ZKSCAN5: variants seen among roughly 807,000 people sequenced by gnomAD.
ZKSCAN5 encodes the protein zinc finger with KRAB and SCAN domains 5, also known as zinc finger protein with KRAB and SCAN domains 5.
Under a neutral mutation model 60.0 loss-of-function variants are expected in ZKSCAN5, and 28 were observed. The observed-to-expected ratio is 0.47, with a 90% CI of 0.35 to 0.64. The LOEUF is 0.64. Ranked by LOEUF, ZKSCAN5 falls within the 30% of genes least tolerant of loss-of-function variation. The pLI is 0.01. For synonymous variants in ZKSCAN5, 361 were observed against 371.2 expected, an observed-to-expected ratio of 0.97 and a Z score of 0.31; for missense variants, 881 against 1,034.6, an observed-to-expected ratio of 0.85 and a Z score of 2.04.
intron 3 of ZKSCAN5, among the ~76,000 whole-genome samples, chr7:99,515,846 A>AG (rs1178283736): frequency 6.6e-6 from 1 of 151,990 alleles, no homozygotes; most frequent in East Asian, 1.9e-4. Flanking sequence ...AAAAAAAAAA[A>AG]AAAAGAAAGA....
intron 5 of ZKSCAN5, 130 bp downstream of exon 5, chr7:99,520,434 A>T: frequency 4.6e-6 from 5 of 1,089,784 alleles, no homozygotes; most frequent in Non-Finnish European, 6.4e-6. Context: ...TATTTTTTGT[A>T]AAAGAATAAA....
rs537936873 is a variant in ZKSCAN5 at position 99,525,834 on chromosome 7, T to C, written c.794T>C (p.Met265Thr). 6.2e-7 allele frequency: 1 copy of C among 1,612,600 alleles called. No homozygotes were observed. The highest frequency in any genetic ancestry group is 1.3e-5 in the African/African-American group (1 of 74,878). ...TSMGYESRDN[M>T]ELIVKQISDD... ...TCAGGTTATGAGTCCAGGGACAATA[T>C]GGAGCTCATAGTGAAGCAGATTTCT... Residue 265 changes from methionine (M) to threonine (T), a missense_variant, in exon 6 of 7, where the codon ATG becomes ACG. Around this residue, in one of 5 missense-constraint regions of ZKSCAN5, gnomAD observed 490 missense variants for 554.5 expected, o/e 0.88. Transcript: ENST00000326775.
Position 99,531,957 on chromosome 7 carries a change from A to G in ZKSCAN5, c.2228A>G (p.Lys743Arg), listed in dbSNP as rs765854579. The change falls in exon 7 of 7, where the codon AAG (lysine) becomes AGG (arginine). Residue 743 changes from lysine (K) to arginine (R), a missense_variant. Coordinates refer to ENST00000326775, the MANE Select transcript of ZKSCAN5 (RefSeq NM_145102.4). ...IQHYRTHTAEKPYQCDICREN... is the reference protein window; with the variant it reads ...IQHYRTHTAERPYQCDICREN... Reference sequence around the variant, plus strand: ...CATTACAGAACTCATACAGCAGAGAAGCCCTATCAATGTGATATATGTAGA... The same window carrying G: ...CATTACAGAACTCATACAGCAGAGAGGCCCTATCAATGTGATATATGTAGA... The G allele has an allele frequency of 1.2e-6, 2 of 1,614,228 alleles. No individual in the cohort carries two copies. Among genetic ancestry groups the G allele is most frequent in the South Asian group, 2.2e-5 (2 of 91,090 alleles).
In ZKSCAN5 at chr7:99,506,198, C is replaced by T; in HGVS notation, c.154C>T (p.Arg52Cys). The T allele has an allele frequency of 6.2e-7, 1 of 1,614,202 alleles. No homozygotes were observed. Residue 52 changes from arginine to cysteine, a missense_variant, in exon 2 of 7, where the codon CGC becomes TGC. Arg to Cys is a radical substitution (Grantham distance 180, BLOSUM62 -3). Coordinates refer to ENST00000326775, the MANE Select transcript of ZKSCAN5 (RefSeq NM_145102.4). ...GCCAACGTTTGAGACTTTTTACCAGCGCTTCAGGCACTTCCAGTACCATGA... is the reference window on the plus strand; with the variant it reads ...GCCAACGTTTGAGACTTTTTACCAGTGCTTCAGGCACTTCCAGTACCATGA... ...NPPTFETFYQ[R>C]FRHFQYHEAS...
intron 6 of ZKSCAN5, among the ~76,000 whole-genome samples, chr7:99,530,109 C>T (rs1325779560): frequency 2.7e-5 from 4 of 147,198 alleles, no homozygotes; most frequent in Non-Finnish European, 4.5e-5. Context: ...TCTCGGCTCA[C>T]TGCAACCTCA....
intron 4 of ZKSCAN5, 112 bp from the exon 5 acceptor site, chr7:99,520,057 T>A (rs1257330264): frequency 6.6e-7 from 1 of 1,516,714 alleles, no homozygotes; most frequent in Non-Finnish European, 9.0e-7. Context: ...TTCCCCATCC[T>A]CTTTGAGGCA....
chr7:99,527,503 A>G (rs1801844591), intron 6 of ZKSCAN5, among the ~76,000 whole-genome samples: 1 of 152,056 alleles, frequency 6.6e-6, no homozygotes, highest in African/African-American at 2.4e-5. Flanking sequence ...ACGTAGTCGT[A>G]CTCAGAATTA....
chr7:99,516,722 T>A (rs1801281355), intron 3 of ZKSCAN5, among the ~76,000 whole-genome samples: 1 of 152,100 alleles, frequency 6.6e-6, no homozygotes, highest in South Asian at 2.1e-4. Context: ...CGCATGCTGT[T>A]CCTGCTGTGG....
rs1189667646 is a variant in ZKSCAN5 at position 99,531,351 on chromosome 7, A to C, written c.1622A>C (p.Lys541Thr). 2.5e-6 allele frequency: 4 copies of C among 1,614,058 alleles called. No individual in the cohort carries two copies. Among genetic ancestry groups the C allele is most frequent in the African/African-American group, 1.3e-5 (1 of 74,932 alleles). Residue 541 changes from lysine to threonine, a missense_variant, in exon 7 of 7, where the codon AAA becomes ACA. By Grantham distance (78) the Lys-to-Thr change is moderately conservative. Coordinates refer to ENST00000326775, the MANE Select transcript of ZKSCAN5 (RefSeq NM_145102.4). Reference protein sequence around the residue: ...NYSEVPYVHKKSSTGERPHKC... With the variant: ...NYSEVPYVHKTSSTGERPHKC... ...AGTGAAGTCCCATATGTCCACAAAA[A>C]ATCCTCCACTGGAGAGAGACCACAT... is the stretch of plus-strand genomic sequence containing the variant.
intron 6 of ZKSCAN5, among the ~76,000 whole-genome samples, chr7:99,528,387 G>C (rs1404672916): frequency 6.6e-6 from 1 of 152,112 alleles, no homozygotes; most frequent in Non-Finnish European, 1.5e-5. Context: ...TAGTTTCCCA[G>C]TGAATACTCA....
rs188489135 is a variant in ZKSCAN5, at chr7:99,527,741, A to G, written c.1378+1323A>G. ...CTCTTGTTGCCCAGGCTGGAGTGCA[A>G]TGGCACGATCTCAGCTCACTGCAAC... On this transcript the variant is annotated intron_variant, in intron 6 of 6. Coordinates refer to ENST00000326775, the MANE Select transcript of ZKSCAN5 (RefSeq NM_145102.4). 9.2e-5 allele frequency among the ~76,000 whole-genome samples: 14 copies of G among 151,972 alleles called. No homozygotes were observed. The East Asian group carries it at 2.7e-3, about 29-fold the overall frequency.
rs774585509 is a variant in ZKSCAN5, at chr7:99,525,868, T to C, written c.828T>C (p.Ser276=). Residue 276 remains serine, a synonymous_variant, in exon 6 of 7, where the codon TCT becomes TCC. Transcript: ENST00000326775. ...ELIVKQISDD[S]ESHWVAPEHT... Reference sequence around the variant, plus strand: ...TAGTGAAGCAGATTTCTGATGACTCTGAATCACACTGGGTGGCGCCAGAAC... The same window carrying C: ...TAGTGAAGCAGATTTCTGATGACTCCGAATCACACTGGGTGGCGCCAGAAC... The C allele has an allele frequency of 3.1e-6, 5 of 1,614,042 alleles. No individual in the cohort carries two copies. The highest frequency in any genetic ancestry group is 2.2e-5 in the East Asian group (1 of 44,862).
Position 99,533,242 on chromosome 7 carries a change from G to A in ZKSCAN5, c.*993G>A, listed in dbSNP as rs1441477545. On this transcript the variant is annotated 3_prime_UTR_variant, in exon 7 of 7. Coordinates refer to ENST00000326775, the MANE Select transcript of ZKSCAN5 (RefSeq NM_145102.4). ...GTTTGCATTGCAGCTGGGATTGAAA[G>A]TAATCAGTCGTGAGCAGGCAGGCAG... 5.8e-6 allele frequency: 4 copies of A among 688,244 alleles called. No individual in the cohort carries two copies. The highest frequency in any genetic ancestry group is 4.5e-5 in the South Asian group (3 of 66,448). 42.6% of individuals were successfully genotyped at this position (688,244 alleles called of 1,614,324 possible).
chr7:99,505,104 C>G (rs1042399961), intron 1 of ZKSCAN5: 1 of 151,954 alleles, frequency 6.6e-6, no homozygotes, highest in Non-Finnish European at 1.5e-5. Flanking sequence ...TGAGGGTGGG[C>G]TGGGACTCGG....
At chr7:99,523,671 A>G (rs1346161270) in intron 5 of ZKSCAN5, among the ~76,000 whole-genome samples, 3 of 152,180 alleles carry the variant, frequency 2.0e-5, no homozygotes, top group Non-Finnish European at 2.9e-5. Flanking sequence ...AAAAGAGAAA[A>G]AAAATACTAT....
Sources: allele counts gnomAD v4.1 joint callset (sites outside exome capture counted in the v4.1 genomes callset), GRCh38; gene constraint gnomAD v4.1.1; regional missense constraint gnomAD v4.1.1; transcripts MANE v1.5; gene names NCBI Gene and HGNC (gene_info 2026-07-23, HGNC 2026-07-21).